NUDT16L1: variants seen among roughly 807,000 people sequenced by gnomAD.
NUDT16L1 encodes tudor-interacting repair regulator protein.
In NUDT16L1, 19 loss-of-function variants were observed where a neutral mutation model predicts 17.3. That is an observed-to-expected ratio of 1.10 (90% CI 0.77 to 1.61). The LOEUF is 1.61. Among genes scored for constraint, NUDT16L1 ranks in the 40% most tolerant of loss-of-function variants. The probability of loss-of-function intolerance (pLI) is 0.00; values close to 1 mark genes in which losing one functional copy is unlikely to be tolerated. For synonymous variants in NUDT16L1, 255 were observed against 138.6 expected, an observed-to-expected ratio of 1.84 and a Z score of -5.90; for missense variants, 341 against 292.0, an observed-to-expected ratio of 1.17 and a Z score of -1.22.
chr16:4,693,909 T>C (rs1425891352), intron 1 of NUDT16L1, 30 bp downstream of exon 1: 10 of 1,471,678 alleles, frequency 6.8e-6, no homozygotes, highest in East Asian at 2.8e-5. Context: ...CGGGCGAGGG[T>C]GCCGGCGCGG....
In NUDT16L1 at chr16:4,693,972, T is replaced by TTGCAGA; in HGVS notation, c.158_163dup. ...CCCCGCGGCTGTGACCCGCGCTCCCTTGCAGATGCAGATGCGTTTCGACGG... is the reference window on the plus strand; with the variant it reads ...CCCCGCGGCTGTGACCCGCGCTCCCTTGCAGATGCAGATGCAGATGCGTTTCGACGG... On this transcript the variant is annotated splice_polypyrimidine_tract_variant and splice_region_variant and intron_variant, in intron 1 of 2. Transcript: ENST00000304301. 9 of 1,565,050 alleles carry TTGCAGA rather than the reference T, an allele frequency of 5.8e-6. No homozygotes were observed. Among genetic ancestry groups the TTGCAGA allele is most frequent in the Non-Finnish European group, 6.9e-6 (8 of 1,162,968 alleles).
intron 2 of NUDT16L1, 69 bp from the exon 3 acceptor site, chr16:4,694,889 A>C: frequency 6.5e-7 from 1 of 1,533,202 alleles, no homozygotes; most frequent in African/African-American, 1.4e-5. Context: ...CATAGCTTCC[A>C]GGCCCCTCCT....
exon 2 of NUDT16L1, chr16:4,694,006 G>GCTTCCCCGGGGGCTTCGTGGA: frequency 6.3e-7 from 1 of 1,583,332 alleles, no homozygotes. Context: ...GGGCTGCTGG[G>GCTTCCCCGGGGGCTTCGTGGA]CTTCCCCGGG....
At chr16:4,693,859 C>G in exon 1 of NUDT16L1, 1 of 1,554,596 alleles carries the variant, frequency 6.4e-7, no homozygotes, top group Non-Finnish European at 8.6e-7. Context: ...CGGCCGCATC[C>G]CCATGCGCTT....
chr16:4,694,630 T>G, intron 2 of NUDT16L1: 2 of 1,423,180 alleles, frequency 1.4e-6, no homozygotes, highest in Non-Finnish European at 1.8e-6. Flanking sequence ...TTGGGATTTG[T>G]ACTTTGTGGT....
exon 3 of NUDT16L1, chr16:4,695,170 C>T (rs1307298052): frequency 4.3e-6 from 7 of 1,612,582 alleles, no homozygotes; most frequent in African/African-American, 1.3e-5. Context: ...TGCTCCCGGC[C>T]TCCTCTTGAG....
chr16:4,693,680 C>T (rs2079474045), upstream of NUDT16L1: 1 of 1,394,236 alleles, frequency 7.2e-7, no homozygotes, highest in East Asian at 3.1e-5. Context: ...GGGGCGGGCT[C>T]GCGCATGCTC....
upstream of NUDT16L1, chr16:4,693,611 G>A (rs1287245511): frequency 1.7e-6 from 2 of 1,210,428 alleles, no homozygotes; most frequent in South Asian, 2.4e-5. Context: ...GCGCGCCGGC[G>A]ATTGGCGGGG....
chr16:4,693,678 C>T (rs1375796483), upstream of NUDT16L1: 25 of 1,388,526 alleles, frequency 1.8e-5, no homozygotes, highest in Non-Finnish European at 2.2e-5. Context: ...CGGGGGCGGG[C>T]TCGCGCATGC....
exon 3 of NUDT16L1, chr16:4,695,188 T>C (rs1202566731): frequency 1.2e-6 from 2 of 1,610,248 alleles, no homozygotes; most frequent in Non-Finnish European, 1.7e-6. Context: ...GAGGGCTGCC[T>C]GAGCTGGTGG....
exon 3 of NUDT16L1, chr16:4,695,297 T>A: frequency 2.0e-6 from 2 of 1,017,430 alleles, no homozygotes; most frequent in Non-Finnish European, 2.9e-6. Context: ...CGAGTGGGCA[T>A]CCTGTCATCA....
At chr16:4,694,459 C>G in intron 2 of NUDT16L1, 1 of 1,524,702 alleles carries the variant, frequency 6.6e-7, no homozygotes, top group East Asian at 2.5e-5. Context: ...GGCTGTGTTA[C>G]ATCCGCCTTG....
At chr16:4,695,240 G>A (rs2079518208) in exon 3 of NUDT16L1, 2 of 1,549,906 alleles carry the variant, frequency 1.3e-6, no homozygotes, top group Non-Finnish European at 1.8e-6. Flanking sequence ...CCTGCTAAGT[G>A]TGGCTTCTAG....
rs751855323 is a variant in NUDT16L1, at chr16:4,694,135, G to A, written c.311G>A (p.Gly104Asp). 1 of 1,589,182 alleles carries A rather than the reference G, an allele frequency of 6.3e-7. No homozygotes were observed. The highest frequency in any genetic ancestry group is 1.7e-5 in the Admixed American group (1 of 59,450). The change falls in exon 2 of 3, where the codon GGC (glycine) becomes GAC (aspartate). Residue 104 changes from glycine (G) to aspartate (D), a missense_variant. Physicochemically the swap from Gly to Asp is moderately conservative, Grantham distance 94. Coordinates refer to ENST00000304301, the Ensembl canonical transcript of NUDT16L1. ...TACCTGAGCTCGCACCTGACCGAGG[G>A]CCCACACCGCGTCGTGGCGCACCTG...
chr16:4,694,337 C>A, intron 2 of NUDT16L1, 99 bp downstream of exon 2: 16 of 1,226,618 alleles, frequency 1.3e-5, no homozygotes, highest in African/African-American at 1.6e-5. Flanking sequence ...GTCCCCTGGC[C>A]GGGCTGGGTC....
At chr16:4,695,710 G>A (rs1385828923) in exon 3 of NUDT16L1, 2 of 402,866 alleles carry the variant, frequency 5.0e-6, no homozygotes, top group Non-Finnish European at 8.7e-6. Context: ...TTCACCACGT[G>A]TGAACTGTGG....
chr16:4,695,152 G>A (rs777179575), exon 3 of NUDT16L1: 3 of 1,613,150 alleles, frequency 1.9e-6, no homozygotes, highest in Non-Finnish European at 2.5e-6. Flanking sequence ...AGAAGGCCCT[G>A]GAGAAGTTGC....
exon 3 of NUDT16L1, chr16:4,695,578 C>A: frequency 2.2e-6 from 1 of 447,154 alleles, no homozygotes. Context: ...TTGTCTCGGT[C>A]AGCTCATTCC....
chr16:4,694,207 G>A (rs2142004306), exon 2 of NUDT16L1: 1 of 1,544,790 alleles, frequency 6.5e-7, no homozygotes, highest in Non-Finnish European at 8.7e-7. Flanking sequence ...GTGGAGATCA[G>A]CGCGGTGCAC....
Sources: allele counts gnomAD v4.1 joint callset, GRCh38; gene constraint gnomAD v4.1.1; transcripts MANE v1.5; gene names NCBI Gene and HGNC (gene_info 2026-07-23, HGNC 2026-07-21).